The following SLC35F4 variants were observed in gnomAD, a reference collection of about 807,000 sequenced individuals.
The protein encoded by SLC35F4 is solute carrier family 35 member F4, also known as chromosome 14 open reading frame 36.
SLC35F4 carries 24 observed loss-of-function variants against 44.2 expected under a neutral mutation model. The ratio of observed to expected loss-of-function variants is 0.54; its 90% CI spans 0.39 to 0.76. The LOEUF (loss-of-function observed/expected upper bound fraction) is 0.76. Among genes scored for constraint, SLC35F4 ranks in the 30% least tolerant of loss-of-function variants. The probability of loss-of-function intolerance (pLI) is 0.00; values close to 1 mark genes in which losing one functional copy is unlikely to be tolerated. For missense variants in SLC35F4, 562 were observed against 586.1 expected (o/e 0.96, Z 0.42); for synonymous variants, 238 against 223.6 (o/e 1.06, Z -0.57).
chr14:57,877,437 T>C (rs892773923), intron 1 of SLC35F4, among the ~76,000 whole-genome samples: 1 of 152,218 alleles, frequency 6.6e-6, no homozygotes, highest in Non-Finnish European at 1.5e-5. Context: ...ATGTCTGCTA[T>C]TGTGAATATT....
At chr14:57,883,666 C>T (rs1014279540) in intron 1 of SLC35F4, among the ~76,000 whole-genome samples, 9 of 152,278 alleles carry the variant, frequency 5.9e-5, no homozygotes, top group Middle Eastern at 3.4e-3. Context: ...TGAATTCCCA[C>T]CCTATGGAAT....
intron 1 of SLC35F4, among the ~76,000 whole-genome samples, chr14:57,670,525 T>C (rs2074479831): frequency 6.6e-6 from 1 of 152,094 alleles, no homozygotes; most frequent in African/African-American, 2.4e-5. Context: ...GATTCTGGTA[T>C]GTTGTGTCTT....
At chr14:57,713,187 A>G (rs1184220436) in intron 1 of SLC35F4, among the ~76,000 whole-genome samples, 1 of 152,164 alleles carries the variant, frequency 6.6e-6, no homozygotes, top group Non-Finnish European at 1.5e-5. Flanking sequence ...TCACCTGAAC[A>G]ACTACCAGGG....
At chr14:57,567,670 A>T (rs2068274720) in intron 6 of SLC35F4, among the ~76,000 whole-genome samples, 1 of 152,232 alleles carries the variant, frequency 6.6e-6, no homozygotes, top group African/African-American at 2.4e-5. Context: ...ATAAATGAAT[A>T]TTCCAGCACT....
upstream of SLC35F4, among the ~76,000 whole-genome samples, chr14:57,869,369 T>A (rs1056907787): frequency 2.0e-5 from 3 of 152,152 alleles, no homozygotes; most frequent in Non-Finnish European, 2.9e-5. Flanking sequence ...AAATACCATA[T>A]CAGTCTATAC....
intron 1 of SLC35F4, among the ~76,000 whole-genome samples, chr14:57,601,193 G>C (rs1204212438): frequency 1.3e-5 from 2 of 151,316 alleles, no homozygotes; most frequent in African/African-American, 4.9e-5. Flanking sequence ...TTCAAGACTT[G>C]CTTATTATCT....
At chr14:57,968,506 C>T (rs1213554360) in intron 1 of SLC35F4, among the ~76,000 whole-genome samples, 5 of 152,208 alleles carry the variant, frequency 3.3e-5, no homozygotes, top group African/African-American at 9.7e-5. Context: ...CCTAATAGTG[C>T]TGCAAGTGCA....
chr14:57,737,798 A>C (rs1017856140), intron 1 of SLC35F4, among the ~76,000 whole-genome samples: 2 of 152,250 alleles, frequency 1.3e-5, no homozygotes, highest in Admixed American at 6.5e-5. Flanking sequence ...ACAGATGAGC[A>C]GAAGCTTGGC....
intron 1 of SLC35F4, among the ~76,000 whole-genome samples, chr14:57,720,979 CATATATATATATATATATATATATATAT>C: frequency 2.0e-5 from 1 of 49,810 alleles, no homozygotes; most frequent in East Asian, 9.4e-4. Context: ...ATAAACTCCT[CATATATATATATATATATATATATATAT>C]ATATATATGA....
intron 1 of SLC35F4, among the ~76,000 whole-genome samples, chr14:57,878,388 G>T (rs1378683512): frequency 1.3e-5 from 2 of 151,992 alleles, no homozygotes; most frequent in Non-Finnish European, 2.9e-5. Context: ...ACAACTGAAT[G>T]GTTCAACAGG....
intron 1 of SLC35F4, among the ~76,000 whole-genome samples, chr14:57,764,327 G>A (rs1251068596): frequency 1.3e-5 from 2 of 152,068 alleles, no homozygotes; most frequent in African/African-American, 4.8e-5. Flanking sequence ...AAAAAAGAGA[G>A]CCACTTTGGT....
intron 1 of SLC35F4, among the ~76,000 whole-genome samples, chr14:57,914,833 T>A (rs191854207): frequency 6.6e-6 from 1 of 152,152 alleles, no homozygotes; most frequent in African/African-American, 2.4e-5. Flanking sequence ...GCAGCTCTCA[T>A]GGCTTGGAGT....
intron 1 of SLC35F4, among the ~76,000 whole-genome samples, chr14:57,784,419 C>T (rs1347392729): frequency 3.3e-5 from 5 of 152,162 alleles, no homozygotes; most frequent in African/African-American, 1.2e-4. Flanking sequence ...TGTACTGGCT[C>T]ATGCCTGTAA....
chr14:57,896,014 G>T (rs1393858535), intron 1 of SLC35F4, among the ~76,000 whole-genome samples: 1 of 152,064 alleles, frequency 6.6e-6, no homozygotes, highest in East Asian at 1.9e-4. Flanking sequence ...ATAAATGTAT[G>T]TCAAATTAAA....
chr14:57,934,936 C>T (rs1032772474), intron 1 of SLC35F4, among the ~76,000 whole-genome samples: 4 of 152,186 alleles, frequency 2.6e-5, no homozygotes, highest in African/African-American at 9.7e-5. Flanking sequence ...TCTGCAGCCA[C>T]AAATGAGCTT....
chr14:57,702,860 A>G (rs991884372), intron 1 of SLC35F4, among the ~76,000 whole-genome samples: 1 of 152,202 alleles, frequency 6.6e-6, no homozygotes, highest in Non-Finnish European at 1.5e-5. Context: ...TGTAGGCTAT[A>G]AAATAAAGGC....
At chr14:57,712,574 T>A (rs1250508671) in intron 1 of SLC35F4, among the ~76,000 whole-genome samples, 1 of 152,232 alleles carries the variant, frequency 6.6e-6, no homozygotes, top group Non-Finnish European at 1.5e-5. Context: ...CAGGTTTGTT[T>A]CAATGTAGCT....
intron 7 of SLC35F4, among the ~76,000 whole-genome samples, chr14:57,565,768 T>C (rs780768737): frequency 2.7e-4 from 41 of 152,244 alleles, no homozygotes; most frequent in Non-Finnish European, 3.5e-4. Flanking sequence ...TTTAAGAGAA[T>C]AATAATGTAT....
intron 1 of SLC35F4, among the ~76,000 whole-genome samples, chr14:57,623,261 A>C (rs1485003815): frequency 6.6e-6 from 1 of 152,232 alleles, no homozygotes; most frequent in Non-Finnish European, 1.5e-5. Flanking sequence ...AGAGGAGCTA[A>C]ATATCCTAAA....
Sources: gnomAD v4.1 joint callset for allele counts (sites outside exome capture counted in the v4.1 genomes callset) on GRCh38, gnomAD v4.1.1 for gene constraint, MANE v1.5 for transcripts, NCBI Gene and HGNC (gene_info 2026-07-23, HGNC 2026-07-21) for gene names.